EFEMP2: variants seen among roughly 807,000 people sequenced by gnomAD.
EFEMP2 encodes EGF-like fibulin extracellular matrix protein 2.
A neutral mutation model predicts 55.3 loss-of-function variants in EFEMP2; 21 were observed. The observed-to-expected ratio is 0.38, with a 90% confidence interval of 0.27 to 0.55. EFEMP2 has a LOEUF of 0.55. Among genes scored for constraint, EFEMP2 ranks in the 20% least tolerant of loss-of-function variants. The pLI is 0.77. For synonymous variants in EFEMP2, 275 were observed against 242.3 expected (o/e 1.14, Z -1.25); for missense variants, 513 against 615.1 (o/e 0.83, Z 1.76).
chr11:65,869,848 A>G lies in EFEMP2; in HGVS notation c.727+9T>C. 1 of 1,613,738 alleles carries G rather than the reference A, an allele frequency of 6.2e-7. No homozygotes were observed. The highest frequency in any genetic ancestry group is 8.5e-7 in the Non-Finnish European group (1 of 1,179,964). On this transcript the variant is annotated intron_variant, in intron 7 of 10. Coordinates refer to ENST00000307998, the MANE Select transcript of EFEMP2 (RefSeq NM_016938.5). Reference sequence around the variant, plus strand: ...ACAGAGGAGTACACAGCAGGGATGGAGCTCTCACCACTGCAGGAGAAGCCA... The same window carrying G: ...ACAGAGGAGTACACAGCAGGGATGGGGCTCTCACCACTGCAGGAGAAGCCA...
At position 65,868,534 on chromosome 11, in the gene EFEMP2, G is replaced by T; in HGVS notation, c.823C>A (p.Leu275Met). Residue 275 changes from leucine (L) to methionine (M), a missense_variant, in exon 8 of 11, where the codon CTG becomes ATG. Coordinates refer to ENST00000307998, the MANE Select transcript of EFEMP2 (RefSeq NM_016938.5). ...FSCHCPQGYQ[L>M]LATRLCQDID... ...CCTTGGCAGAGGCGTGTGGCCAGCA[G>T]CTGGTAACCCTGTGGGCAGTGGCAG... 6.2e-7 allele frequency: 1 copy of T among 1,614,082 alleles called. No homozygotes were observed. Among genetic ancestry groups the T allele is most frequent in the East Asian group, 2.2e-5 (1 of 44,884 alleles).
chr11:65,867,240 C>T, intron 10 of EFEMP2, 161 bp from the exon 11 acceptor site: 1 of 749,756 alleles, frequency 1.3e-6, no homozygotes, highest in Non-Finnish European at 2.2e-6. Context: ...CCCTCGATGT[C>T]TCTCCTCCCC....
At chr11:65,868,722 A>G (rs1239114747) in intron 7 of EFEMP2, 93 bp from the exon 8 acceptor site, 3 of 1,548,642 alleles carry the variant, frequency 1.9e-6, no homozygotes, top group African/African-American at 1.4e-5. Context: ...GCCCCATGTT[A>G]GACTGAATGT....
chr11:65,869,548 G>A (rs1565273547), intron 7 of EFEMP2: 2 of 421,790 alleles, frequency 4.7e-6, no homozygotes, highest in African/African-American at 4.1e-5. Context: ...GGCTCAGAGA[G>A]GAGTGACTTG....
rs1455911708 is a variant in EFEMP2, at chr11:65,868,617, C to T, written c.740G>A (p.Cys247Tyr). The change falls in exon 8 of 11, where the codon TGT becomes TAT. Residue 247 changes from cysteine (C) to tyrosine (Y), a missense_variant. Cys to Tyr is a radical substitution (Grantham distance 194). Transcript: ENST00000307998. ...DGFSCSDIDE[C>Y]SYSSYLCQYR... The stretch of plus-strand genomic sequence containing the variant: ...CTGACAGAGGTAGCTGGAGTAGCTA[C>T]ACTCATCAATATCTGAGGAAGCATG... 1.2e-6 allele frequency: 2 copies of T among 1,613,946 alleles called. No homozygotes were observed. Among genetic ancestry groups the T allele is most frequent in the East Asian group, 2.2e-5 (1 of 44,882 alleles).
rs946661666 is a variant in EFEMP2 at position 65,866,566 on chromosome 11, A to C, written c.*352T>G. ...GGCCTCCTGGCGCTGTCCAGAGTGG[A>C]GTTTCTTAGGACCCCTGCAAGCCAG... On this transcript the variant is annotated 3_prime_UTR_variant, in exon 11 of 11. Coordinates refer to ENST00000307998, the MANE Select transcript of EFEMP2 (RefSeq NM_016938.5). The C allele has an allele frequency of 3.1e-5, 22 of 702,552 alleles. No individual in the cohort carries two copies. Among genetic ancestry groups the C allele is most frequent in the Non-Finnish European group, 4.9e-5 (19 of 384,940 alleles). The allele number at this position is 702,552 out of a possible 1,614,324, so 43.5% of individuals were successfully genotyped here.
Position 65,872,246 on chromosome 11 carries a change from T to C in EFEMP2, c.109A>G (p.Thr37Ala), listed in dbSNP as rs1156801907. 1 of 1,551,286 alleles carries C rather than the reference T, an allele frequency of 6.4e-7. No individual in the cohort carries two copies. Among genetic ancestry groups the C allele is most frequent in the South Asian group, 1.2e-5 (1 of 84,052 alleles). Residue 37 changes from threonine (T) to alanine (A), a missense_variant and splice_region_variant, in exon 2 of 11, where the codon ACG becomes GCG. Thr to Ala is a moderately conservative substitution (Grantham distance 58). Transcript: ENST00000307998. The stretch of plus-strand genomic sequence containing the variant: ...CCAGCGGCCCTCACTGTCCCCACCG[T>C]GTAGCTGTCGGGCTCTTCAGAATCC... ...PQDSEEPDSY[T>A]ECTDGYEWDP...
chr11:65,867,730 G>C, intron 10 of EFEMP2, 131 bp downstream of exon 10: 1 of 1,001,996 alleles, frequency 1.0e-6, no homozygotes, highest in Non-Finnish European at 1.5e-6. Context: ...TCTTCCTGCA[G>C]AAACCCCGCC....
Position 65,867,057 on chromosome 11 carries a change from A to G in EFEMP2, c.1193T>C (p.Met398Thr), listed in dbSNP as rs778365796. 6.2e-7 allele frequency: 1 copy of G among 1,614,060 alleles called. No homozygotes were observed. Among genetic ancestry groups the G allele is most frequent in the Admixed American group, 1.7e-5 (1 of 60,030 alleles). Residue 398 changes from methionine to threonine, a missense_variant, in exon 11 of 11, where the codon ATG becomes ACG. Met to Thr is a moderately conservative substitution (Grantham distance 81, BLOSUM62 -1). Coordinates refer to ENST00000307998, the MANE Select transcript of EFEMP2 (RefSeq NM_016938.5). ...YIRQINNVSAMLVLARPVTGP... is the reference protein window; with the variant it reads ...YIRQINNVSATLVLARPVTGP... ...CGTCACCGGCCGGGCGAGGACCAGCATGGCGCTGACGTTGTTGATTTGCTG... is the reference window on the plus strand; with the variant it reads ...CGTCACCGGCCGGGCGAGGACCAGCGTGGCGCTGACGTTGTTGATTTGCTG...
rs760668617 is a variant in EFEMP2, at chr11:65,870,623, G to A, written c.403C>T (p.Arg135Cys). 4.3e-6 allele frequency: 7 copies of A among 1,614,068 alleles called. No homozygotes were observed. The highest frequency in any genetic ancestry group is 1.6e-4 in the Middle Eastern group (1 of 6,062). The change falls in exon 5 of 11, where the codon CGC becomes TGC. Residue 135 changes from arginine to cysteine, a missense_variant. Arg to Cys is a radical substitution (Grantham distance 180). Transcript: ENST00000307998. ...AAGTTATGGCAGTCCTGGCTGGGGC[G>A]ACAGTCGTGCAGGGCCTGGGCACAC... ...DECAQALHDC[R>C]PSQDCHNLPG...
chr11:65,871,605 C>G (rs1380561263), intron 3 of EFEMP2: 1 of 604,230 alleles, frequency 1.7e-6, no homozygotes, highest in Non-Finnish European at 2.9e-6. Flanking sequence ...CTATCCCTCC[C>G]CACGGCCCTA....
In EFEMP2 at chr11:65,868,678, A is replaced by G. The variant is rs1157210141; in HGVS notation, c.728-49T>C. On this transcript the variant is annotated intron_variant, in intron 7 of 10. Coordinates refer to ENST00000307998, the MANE Select transcript of EFEMP2 (RefSeq NM_016938.5). ...CCCCGGGTCAAGGGCATTCCTCACC[A>G]TTCAGTCCCACAAACATTTCCCAAG... 5 of 1,611,322 alleles carry G rather than the reference A, an allele frequency of 3.1e-6. No individual in the cohort carries two copies. The Admixed American group carries it at 5.0e-5, about 16-fold the overall frequency.
Position 65,870,230 on chromosome 11 carries a change from G to C in EFEMP2, c.498C>G (p.Asp166Glu). Residue 166 changes from aspartate to glutamate, a missense_variant, in exon 6 of 11, where the codon GAC (aspartate) becomes GAG (glutamate). By Grantham distance (45) the Asp-to-Glu change is conservative. Coordinates refer to ENST00000307998, the MANE Select transcript of EFEMP2 (RefSeq NM_016938.5). ...RKIGPECVDIDECRYRYCQHR... is the reference protein window; with the variant it reads ...RKIGPECVDIEECRYRYCQHR... ...GCTGGCAGTAGCGGTAGCGGCACTCGTCTATGTCTAGGGATAGAGGCAGGA... is the reference window on the plus strand; with the variant it reads ...GCTGGCAGTAGCGGTAGCGGCACTCCTCTATGTCTAGGGATAGAGGCAGGA... The C allele has an allele frequency of 1.2e-6, 2 of 1,613,214 alleles. No homozygotes were observed. The highest frequency in any genetic ancestry group is 1.7e-6 in the Non-Finnish European group (2 of 1,179,896).
In EFEMP2 at chr11:65,867,870, A is replaced by G. The variant is rs1859884972; in HGVS notation, c.1161T>C (p.Phe387=). ...QIRAGNSQGD[F]YIRQINNVSA... ...GTTGCAGAAACCTTACCCTAATGTAAAAGTCCCCCTGCGAGTTTCCAGCAC... is the reference window on the plus strand; with the variant it reads ...GTTGCAGAAACCTTACCCTAATGTAGAAGTCCCCCTGCGAGTTTCCAGCAC... The change falls in exon 10 of 11, where the codon TTT becomes TTC. Residue 387 remains phenylalanine (F), a synonymous_variant. Transcript: ENST00000307998. 3 of 1,614,056 alleles carry G rather than the reference A, an allele frequency of 1.9e-6. No individual in the cohort carries two copies. The highest frequency in any genetic ancestry group is 4.5e-5 in the East Asian group (2 of 44,878).
chr11:65,870,694 C>T (rs1859950592), intron 4 of EFEMP2, 36 bp from the exon 5 acceptor site: 1 of 1,613,348 alleles, frequency 6.2e-7, no homozygotes, highest in Admixed American at 1.7e-5. Flanking sequence ...GCCTGGGATC[C>T]CGCACACCAC....
rs1859990988 is a variant in EFEMP2 at position 65,872,778 on chromosome 11, C to T, written c.-103G>A. The T allele has an allele frequency of 3.9e-6, 1 of 258,450 alleles. No homozygotes were observed. Among genetic ancestry groups the T allele is most frequent in the South Asian group, 3.6e-5 (1 of 27,638 alleles). The allele number at this position is 258,450 out of a possible 1,614,324, so 16.0% of individuals were successfully genotyped here. The stretch of plus-strand genomic sequence containing the variant: ...ACGGACGGGCGGACGGCACAGCTCC[C>T]TGGACGCGCGGCCCCAGGAAGCGCC... On this transcript the variant is annotated 5_prime_UTR_variant, in exon 1 of 11. Transcript: ENST00000307998.
In EFEMP2 at chr11:65,868,022, G is replaced by C. The variant is rs57685603; in HGVS notation, c.1009C>G (p.Arg337Gly). The change falls in exon 10 of 11, where the codon CGA (arginine) becomes GGA (glycine). Residue 337 changes from arginine (R) to glycine (G), a missense_variant. Arg to Gly is a moderately radical substitution (Grantham distance 125). Transcript: ENST00000307998. ...CLCPASNPLCREQPSSIVHRY... is the reference protein window; with the variant it reads ...CLCPASNPLCGEQPSSIVHRY... The stretch of plus-strand genomic sequence containing the variant: ...TGCACAATGGATGAAGGCTGCTCTC[G>C]ACATAGAGGGTTGGAGGCCGGGCAG... 2 of 1,613,940 alleles carry C rather than the reference G, an allele frequency of 1.2e-6. No homozygotes were observed. Among genetic ancestry groups the C allele is most frequent in the Non-Finnish European group, 1.7e-6 (2 of 1,180,000 alleles).
intron 10 of EFEMP2, 149 bp downstream of exon 10, chr11:65,867,712 T>C: frequency 1.2e-6 from 1 of 801,446 alleles, no homozygotes; most frequent in Admixed American, 2.0e-5. Context: ...GCATTTAGAG[T>C]ACCCCCGTCT....
At chr11:65,872,116 T>C (rs1859974295) in intron 2 of EFEMP2, 98 bp from the exon 3 acceptor site, 1 of 1,520,126 alleles carries the variant, frequency 6.6e-7, no homozygotes. Context: ...TCCGGCCTGC[T>C]CCAAACAATG....
Sources: gnomAD v4.1 joint callset for allele counts on GRCh38, gnomAD v4.1.1 for gene constraint, MANE v1.5 for transcripts, NCBI Gene and HGNC (gene_info 2026-07-23, HGNC 2026-07-21) for gene names.